Variants in TMTC1 observed in about 807,000 individuals in gnomAD.
TMTC1 encodes the protein transmembrane O-mannosyltransferase targeting cadherins 1.
Under a neutral mutation model 104.8 loss-of-function variants are expected in TMTC1, and 73 were observed. The ratio of observed to expected loss-of-function variants is 0.70; its 90% CI spans 0.58 to 0.85. The LOEUF (loss-of-function observed/expected upper bound fraction) is 0.85, where lower values mean the gene tolerates loss of function less well. Ranked by LOEUF, TMTC1 falls within the 40% of genes least tolerant of loss-of-function variation. The probability of loss-of-function intolerance (pLI) is 0.00; values close to 1 mark genes in which losing one functional copy is unlikely to be tolerated. For synonymous variants in TMTC1, 434 were observed against 428.7 expected (o/e 1.01, Z -0.15); for missense variants, 1,035 against 1,096.1 (o/e 0.94, Z 0.79).
chr12:29,554,207 T>C (rs192748911), intron 10 of TMTC1, among the ~76,000 whole-genome samples: 2 of 152,320 alleles, frequency 1.3e-5, no homozygotes, highest in East Asian at 3.9e-4. Context: ...AACAACATGA[T>C]AATGATCTGT....
At chr12:29,620,690 G>C (rs1290230640) in intron 6 of TMTC1, among the ~76,000 whole-genome samples, 1 of 152,166 alleles carries the variant, frequency 6.6e-6, no homozygotes, top group South Asian at 2.1e-4. Context: ...ACTCTCATCA[G>C]AAAGATGATA....
In TMTC1 at chr12:29,783,873, T is replaced by C; in HGVS notation, c.-122A>G. ...GGCTCGGGCATGGTGCTGCGGCAGCTGGACCCGCCGCGAGCTCCCCGCGCT... is the reference window on the plus strand; with the variant it reads ...GGCTCGGGCATGGTGCTGCGGCAGCCGGACCCGCCGCGAGCTCCCCGCGCT... On this transcript the variant is annotated 5_prime_UTR_variant, in exon 1 of 18. Transcript: ENST00000539277. The surrounding 1 kb of genome is among the most constrained non-coding windows in gnomAD (Gnocchi z 4.7). 1 of 956,036 alleles carries C rather than the reference T, an allele frequency of 1.0e-6. No homozygotes were observed. Among genetic ancestry groups the C allele is most frequent in the Non-Finnish European group, 1.3e-6 (1 of 788,562 alleles). 59.2% of individuals were successfully genotyped at this position (956,036 alleles called of 1,614,324 possible). A position where few individuals can be genotyped will look rare whatever the true frequency, so the allele number is the denominator to read the frequency against.
intron 5 of TMTC1, among the ~76,000 whole-genome samples, chr12:29,687,224 A>G (rs1941121753): frequency 6.6e-6 from 1 of 152,228 alleles, no homozygotes; most frequent in Non-Finnish European, 1.5e-5. Flanking sequence ...GAAAACTGAT[A>G]CACTTTAAGT....
Position 29,556,886 on chromosome 12 carries a change from C to T in TMTC1, c.1647G>A (p.Arg549=), listed in dbSNP as rs1430316327. 1 of 1,614,084 alleles carries T rather than the reference C, an allele frequency of 6.2e-7. No individual in the cohort carries two copies. The highest frequency in any genetic ancestry group is 8.5e-7 in the Non-Finnish European group (1 of 1,180,004). The stretch of plus-strand genomic sequence containing the variant: ...GGAGATTCCCCAGATTGAAAAGAGC[C>T]CGGTTATGCTGTGGATGGAGCTGGA... ...RALQLHPQHN[R]ALFNLGNLLK... is the part of the protein sequence containing the mutation. The change falls in exon 10 of 18, where the codon CGG becomes CGA. Residue 549 remains arginine (R), a synonymous_variant. Transcript: ENST00000539277.
chr12:29,517,578 T>A lies in TMTC1; in HGVS notation c.2025-7A>T. On this transcript the variant is annotated splice_polypyrimidine_tract_variant and splice_region_variant and intron_variant, in intron 13 of 17. Coordinates refer to ENST00000539277, the MANE Select transcript of TMTC1 (RefSeq NM_001193451.2). ...GTGTGCCACCTGCAGGGCGCTGAGT[T>A]TGGAGAAAATCTAAATGACATTTCT... 1 of 1,614,036 alleles carries A rather than the reference T, an allele frequency of 6.2e-7. No homozygotes were observed. Among genetic ancestry groups the A allele is most frequent in the Non-Finnish European group, 8.5e-7 (1 of 1,179,954 alleles).
chr12:29,651,120 T>C (rs1308053441), intron 5 of TMTC1, among the ~76,000 whole-genome samples: 1 of 152,212 alleles, frequency 6.6e-6, no homozygotes, highest in Non-Finnish European at 1.5e-5. Context: ...AGAGGTGATG[T>C]GGGTCCCTTG....
At chr12:29,672,590 A>T (rs1313933386) in intron 5 of TMTC1, among the ~76,000 whole-genome samples, 5 of 152,182 alleles carry the variant, frequency 3.3e-5, no homozygotes, top group Non-Finnish European at 7.3e-5. Context: ...TTAAACATCT[A>T]CAAATTCACT....
intron 10 of TMTC1, among the ~76,000 whole-genome samples, chr12:29,540,917 C>T (rs994550832): frequency 1.3e-5 from 2 of 151,930 alleles, no homozygotes; most frequent in African/African-American, 2.4e-5. Context: ...ATGGCGTGAA[C>T]CTGGGAGGCG....
intron 5 of TMTC1, among the ~76,000 whole-genome samples, chr12:29,725,011 GTTCTTTTTTTTTTT>G (rs1432088290): frequency 8.6e-6 from 1 of 115,728 alleles, no homozygotes; most frequent in African/African-American, 3.1e-5. Context: ...TATCTGCCAA[GTTCTTTTTTTTTTT>G]TTTTTTTTTT....
chr12:29,698,483 C>T (rs1941489089), intron 5 of TMTC1, among the ~76,000 whole-genome samples: 1 of 152,148 alleles, frequency 6.6e-6, no homozygotes, highest in Non-Finnish European at 1.5e-5. Context: ...CAAGAGTTCA[C>T]CATCACACCT....
rs1047399785 is a variant in TMTC1 at position 29,514,333 on chromosome 12, CT to C, written c.2430+148del. 4.6e-5 allele frequency: 33 copies of C among 711,600 alleles called. No homozygotes were observed. In the African/African-American group the frequency reaches 5.7e-4, roughly 12 times the overall value. The allele number at this position is 711,600 out of a possible 1,614,324, so 44.1% of individuals were successfully genotyped here. On this transcript the variant is annotated intron_variant, in intron 16 of 17. Transcript: ENST00000539277. ...GCTCAATGATAAAAAATAAACAAAACTTCGTCAATTAGTTAAAAAAAACTCA... is the reference window on the plus strand; with the variant it reads ...GCTCAATGATAAAAAATAAACAAAACTCGTCAATTAGTTAAAAAAAACTCA...
chr12:29,687,287 T>C (rs1941124138), intron 5 of TMTC1, among the ~76,000 whole-genome samples: 1 of 151,980 alleles, frequency 6.6e-6, no homozygotes, highest in Non-Finnish European at 1.5e-5. Flanking sequence ...TATGATGCAC[T>C]TGAGGGCACA....
chr12:29,684,869 C>T (rs11050373), intron 5 of TMTC1, among the ~76,000 whole-genome samples: 21,049 of 152,054 alleles, frequency 0.14, 1,741 homozygotes, highest in East Asian at 0.34. Context: ...ATTGTGAACA[C>T]AAAGAATTTT....
intron 5 of TMTC1, among the ~76,000 whole-genome samples, chr12:29,637,083 GAAAC>G (rs1938592211): frequency 1.7e-5 from 1 of 58,564 alleles, no homozygotes; most frequent in South Asian, 9.7e-4. Context: ...AACAAAATGA[GAAAC>G]ACACACACAC....
chr12:29,511,995 AAC>A, intron 17 of TMTC1, 46 bp downstream of exon 17: 1 of 1,534,276 alleles, frequency 6.5e-7, no homozygotes, highest in Non-Finnish European at 9.0e-7. Context: ...AGAGAGAGAA[AAC>A]ACAGGGGGAA....
rs865892776 is a variant in TMTC1, at chr12:29,755,870, G to A, written c.570C>T (p.Gly190=). 1.9e-6 allele frequency: 3 copies of A among 1,613,854 alleles called. No homozygotes were observed. The Admixed American group carries it at 5.0e-5, about 27-fold the overall frequency. ...TGGAAGGGAAACTTCCCCCAACACA[G>A]CCCTGATCCAGACTCCTGAAAAACA... ...FLSYNRSLDQ[G]CVGGSFPSTV... is the part of the protein sequence containing the mutation. Residue 190 remains glycine (G), a synonymous_variant, in exon 4 of 18, where the codon GGC becomes GGT. Coordinates refer to ENST00000539277, the MANE Select transcript of TMTC1 (RefSeq NM_001193451.2).
chr12:29,577,569 T>G (rs1945858864), intron 8 of TMTC1, among the ~76,000 whole-genome samples: 1 of 152,180 alleles, frequency 6.6e-6, no homozygotes, highest in Admixed American at 6.5e-5. Context: ...GGATCCCTGG[T>G]GACCATTTCA....
At chr12:29,561,138 T>C (rs573876234) in intron 9 of TMTC1, among the ~76,000 whole-genome samples, 1 of 151,626 alleles carries the variant, frequency 6.6e-6, no homozygotes, top group Admixed American at 6.6e-5. Context: ...GGCGCTATGA[T>C]GGTATCATTG....
At position 29,783,562 on chromosome 12, in the gene TMTC1, G is replaced by A. The variant is rs1342803650; in HGVS notation, c.190C>T (p.Arg64Trp). ...VWAIVNNPDVRPGAPLRWGIF... is the reference protein window; with the variant it reads ...VWAIVNNPDVWPGAPLRWGIF... ...CCCCAGCGGAGCGGGGCGCCGGGCC[G>A]CACGTCGGGGTTGTTCACGATCGCC... Residue 64 changes from arginine (R) to tryptophan (W), a missense_variant, in exon 1 of 18, where the codon CGG becomes TGG. Transcript: ENST00000539277. This position sits in a 1 kb window ranked among gnomAD's most constrained non-coding sequence, Gnocchi z 4.7. The A allele has an allele frequency of 4.7e-6, 7 of 1,477,648 alleles. No individual in the cohort carries two copies. The highest frequency in any genetic ancestry group is 5.4e-6 in the Non-Finnish European group (6 of 1,116,774). 91.5% of individuals were successfully genotyped at this position (1,477,648 alleles called of 1,614,324 possible).
Sources: allele counts gnomAD v4.1 joint callset (sites outside exome capture counted in the v4.1 genomes callset), GRCh38; gene constraint gnomAD v4.1.1; non-coding constraint Gnocchi (gnomAD v3.1); transcripts MANE v1.5; gene names NCBI Gene and HGNC (gene_info 2026-07-23, HGNC 2026-07-21).